Variants in WWOX observed in about 807,000 individuals in gnomAD.
WWOX encodes the protein WW domain containing oxidoreductase.
In WWOX, 69 loss-of-function variants were observed where a neutral mutation model predicts 46.2. The observed-to-expected ratio is 1.49, with a 90% CI of 1.23 to 1.82. The LOEUF is 1.82. Ranked by LOEUF, WWOX falls within the 40% of genes most tolerant of loss-of-function variation. The pLI is 0.00. For synonymous variants in WWOX, 359 were observed against 202.6 expected (o/e 1.77, Z -6.56); for missense variants, 919 against 542.6 (o/e 1.69, Z -6.89).
At chr16:78,736,950 C>G (rs905080881) in intron 8 of WWOX, among the ~76,000 whole-genome samples, 1 of 151,986 alleles carries the variant, frequency 6.6e-6, no homozygotes, top group African/African-American at 2.4e-5. Flanking sequence ...GCGTTATTGC[C>G]TTAGTCACAG....
intron 8 of WWOX, among the ~76,000 whole-genome samples, chr16:78,876,472 T>TC (rs141670301): frequency 0.31 from 39,649 of 126,416 alleles, 5,294 homozygotes; most frequent in Middle Eastern, 0.43. Context: ...TGACTCTTCT[T>TC]TTTTTTTTTT....
chr16:78,874,933 T>C (rs939709039), intron 8 of WWOX, among the ~76,000 whole-genome samples: 1 of 152,080 alleles, frequency 6.6e-6, no homozygotes, highest in Non-Finnish European at 1.5e-5. Flanking sequence ...TGTGAAAACA[T>C]GCATTGGAAC....
At chr16:78,721,177 C>T (rs1271582621) in intron 8 of WWOX, among the ~76,000 whole-genome samples, 1 of 152,090 alleles carries the variant, frequency 6.6e-6, no homozygotes, top group East Asian at 1.9e-4. Flanking sequence ...TTGGCAAGTG[C>T]CATAAATATA....
chr16:78,280,906 G>A (rs1460984910), intron 5 of WWOX: 1 of 153,260 alleles, frequency 6.5e-6, no homozygotes, highest in Non-Finnish European at 1.5e-5. Flanking sequence ...TTCATCAAAT[G>A]AATCTTCAGC....
At chr16:79,027,344 A>T (rs573456153) in intron 8 of WWOX, among the ~76,000 whole-genome samples, 1 of 151,394 alleles carries the variant, frequency 6.6e-6, no homozygotes, top group African/African-American at 2.4e-5. Flanking sequence ...AGCTCTGCAG[A>T]ACTTTTCATT....
At chr16:78,317,662 GC>G (rs1226629496) in intron 5 of WWOX, among the ~76,000 whole-genome samples, 4 of 152,040 alleles carry the variant, frequency 2.6e-5, no homozygotes, top group African/African-American at 4.8e-5. Context: ...CCTCGTTTAG[GC>G]TCTGGACTCC....
At chr16:78,676,059 C>G (rs1043961026) in intron 8 of WWOX, among the ~76,000 whole-genome samples, 6 of 152,074 alleles carry the variant, frequency 3.9e-5, no homozygotes, top group African/African-American at 1.4e-4. Context: ...GTTTAAGAAT[C>G]TCAGAGTAAT....
chr16:78,647,317 G>C (rs1222210972), intron 8 of WWOX, among the ~76,000 whole-genome samples: 2 of 152,286 alleles, frequency 1.3e-5, no homozygotes, highest in East Asian at 3.9e-4. Context: ...CCCAGGCGAG[G>C]ATGAGGAGTA....
chr16:78,769,924 G>C (rs2050023788), intron 8 of WWOX, among the ~76,000 whole-genome samples: 1 of 151,912 alleles, frequency 6.6e-6, no homozygotes, highest in Non-Finnish European at 1.5e-5. Flanking sequence ...GCATGTGGGG[G>C]TCCCAGCTAC....
chr16:78,638,891 T>A (rs540263645), intron 8 of WWOX, among the ~76,000 whole-genome samples: 1 of 152,230 alleles, frequency 6.6e-6, no homozygotes, highest in East Asian at 1.9e-4. Flanking sequence ...GTCCTAGGCA[T>A]GGAAAAAGAA....
At position 78,535,955 on chromosome 16, in the gene WWOX, A is replaced by G. The variant is rs576290769; in HGVS notation, c.1056+103203A>G. Among the ~76,000 whole-genome samples the G allele has an allele frequency of 1.5e-4, 23 of 152,306 alleles. No individual in the cohort carries two copies. In the South Asian group the frequency reaches 4.8e-3, roughly 32 times the overall value. ...AGGTTCTGCGCACAAAATTCGTTGC[A>G]TAGCACCTGATACACACAAAGCTTT... On this transcript the variant is annotated intron_variant, in intron 8 of 8. Coordinates refer to ENST00000566780, the MANE Select transcript of WWOX (RefSeq NM_016373.4).
At chr16:79,103,626 A>G (rs2150636925) in intron 8 of WWOX, among the ~76,000 whole-genome samples, 1 of 152,322 alleles carries the variant, frequency 6.6e-6, no homozygotes, top group Non-Finnish European at 1.5e-5. Context: ...ATTAATTTTT[A>G]AGATCTTAAC....
chr16:79,102,009 A>G (rs1205612886), intron 8 of WWOX, among the ~76,000 whole-genome samples: 2 of 132,828 alleles, frequency 1.5e-5, no homozygotes, highest in African/African-American at 2.8e-5. Context: ...CTCCCAGCAG[A>G]TGAAGACCAA....
At chr16:78,141,128 C>G (rs141441289) in intron 4 of WWOX, among the ~76,000 whole-genome samples, 7 of 152,354 alleles carry the variant, frequency 4.6e-5, no homozygotes, top group Admixed American at 4.6e-4. Flanking sequence ...ACAGAGCAAG[C>G]TGCCTTGAGC....
intron 8 of WWOX, among the ~76,000 whole-genome samples, chr16:78,970,912 T>C (rs1457576220): frequency 6.6e-6 from 1 of 152,134 alleles, no homozygotes; most frequent in Admixed American, 6.5e-5. Flanking sequence ...CTTCTGTCTT[T>C]TGCTATGGTG....
intron 8 of WWOX, among the ~76,000 whole-genome samples, chr16:78,928,054 C>G (rs530207516): frequency 5.5e-4 from 83 of 152,214 alleles, no homozygotes; most frequent in Non-Finnish European, 1.2e-3. Context: ...AAATATCATA[C>G]TCTCAGATCC....
chr16:78,865,828 C>T (rs990687329), intron 8 of WWOX, among the ~76,000 whole-genome samples: 1 of 152,164 alleles, frequency 6.6e-6, no homozygotes, highest in African/African-American at 2.4e-5. Context: ...TGCAGTGAGC[C>T]AGATTGCACC....
intron 8 of WWOX, among the ~76,000 whole-genome samples, chr16:78,970,641 A>G (rs2046451541): frequency 6.6e-6 from 1 of 152,224 alleles, no homozygotes. Context: ...TTATAGTGTA[A>G]TGCCAGAATC....
At chr16:78,865,261 T>C (rs917324483) in intron 8 of WWOX, among the ~76,000 whole-genome samples, 1 of 152,316 alleles carries the variant, frequency 6.6e-6, no homozygotes, top group South Asian at 2.1e-4. Context: ...CCTTTATTTT[T>C]TTCCCTTCTT....
Sources: allele counts gnomAD v4.1 joint callset (sites outside exome capture counted in the v4.1 genomes callset), GRCh38; gene constraint gnomAD v4.1.1; transcripts MANE v1.5; gene names NCBI Gene and HGNC (gene_info 2026-07-23, HGNC 2026-07-21).